Variants in CTNND2 observed in about 807,000 individuals in gnomAD.
CTNND2 encodes the protein catenin delta 2, also known as catenin delta-2.
Under a neutral mutation model 144.4 loss-of-function variants are expected in CTNND2, and 22 were observed. That is an observed-to-expected ratio of 0.15 (90% CI 0.11 to 0.22). CTNND2 has a LOEUF of 0.22. Among genes scored for constraint, CTNND2 ranks in the 10% least tolerant of loss-of-function variants. CTNND2 has a pLI of 1.00. For synonymous variants in CTNND2, 751 were observed against 695.6 expected (o/e 1.08, Z -1.25); for missense variants, 1,353 against 1,618.8 (o/e 0.84, Z 2.82).
intron 16 of CTNND2, among the ~76,000 whole-genome samples, chr5:11,034,762 C>A (rs1043115535): frequency 6.9e-6 from 1 of 144,670 alleles, no homozygotes; most frequent in African/African-American, 2.5e-5. Context: ...TAGTTTTCTT[C>A]TTTTTTTTTT....
chr5:11,368,002 C>A (rs1021092952), intron 7 of CTNND2, among the ~76,000 whole-genome samples: 1 of 152,190 alleles, frequency 6.6e-6, no homozygotes. Context: ...CTTCTCTTCA[C>A]AGGGCAAAAC....
chr5:11,253,915 C>T (rs1743932196), intron 9 of CTNND2, among the ~76,000 whole-genome samples: 1 of 152,172 alleles, frequency 6.6e-6, no homozygotes, highest in Non-Finnish European at 1.5e-5. Flanking sequence ...AAACACCTAT[C>T]TTTCTGTACA....
chr5:11,353,026 G>T (rs1432193931), intron 8 of CTNND2, among the ~76,000 whole-genome samples: 1 of 150,762 alleles, frequency 6.6e-6, no homozygotes, highest in African/African-American at 2.4e-5. Flanking sequence ...TGTGTAACTG[G>T]AGTCACGATG....
chr5:11,870,180 T>C (rs1228716759), intron 1 of CTNND2, among the ~76,000 whole-genome samples: 4 of 152,124 alleles, frequency 2.6e-5, no homozygotes, highest in Non-Finnish European at 4.4e-5. Context: ...CATCAGTGGT[T>C]CTCATTCATA....
intron 6 of CTNND2, among the ~76,000 whole-genome samples, chr5:11,387,679 C>A (rs1351252798): frequency 6.6e-6 from 1 of 152,144 alleles, no homozygotes; most frequent in Non-Finnish European, 1.5e-5. Context: ...TTCAGGAGCA[C>A]TCTCTGCTCC....
At chr5:11,889,448 C>T (rs1159125580) in intron 1 of CTNND2, among the ~76,000 whole-genome samples, 1 of 152,170 alleles carries the variant, frequency 6.6e-6, no homozygotes, top group African/African-American at 2.4e-5. Context: ...TGGGTAGCCA[C>T]AATTAAACAC....
At chr5:11,262,785 A>AAAAAAAAAAAAAAAG (rs1745034742) in intron 9 of CTNND2, among the ~76,000 whole-genome samples, 1 of 147,966 alleles carries the variant, frequency 6.8e-6, no homozygotes, top group Non-Finnish European at 1.5e-5. Context: ...AAAAAAAAAA[A>AAAAAAAAAAAAAAAG]AAAGAAAGAA....
rs911265613 is a variant in CTNND2 at position 11,023,094 on chromosome 5, G to A, written c.2789-115C>T. 5 of 859,820 alleles carry A rather than the reference G, an allele frequency of 5.8e-6. No homozygotes were observed. In the Admixed American group the frequency reaches 8.2e-5, roughly 14 times the overall value. 53.3% of individuals were successfully genotyped at this position (859,820 alleles called of 1,614,324 possible). On this transcript the variant is annotated intron_variant, in intron 16 of 21. Coordinates refer to ENST00000304623, the MANE Select transcript of CTNND2 (RefSeq NM_001332.4). ...CGAGAGGCCACGTTTATGCAAAATT[G>A]TTTGTTTCCCATCACTGAATGTTCC...
intron 3 of CTNND2, among the ~76,000 whole-genome samples, chr5:11,417,567 A>G (rs1762026230): frequency 6.6e-6 from 1 of 152,260 alleles, no homozygotes; most frequent in South Asian, 2.1e-4. Context: ...GAACACATTA[A>G]AAGTATTTGA....
chr5:11,381,029 A>G (rs920981752), intron 7 of CTNND2, among the ~76,000 whole-genome samples: 1 of 152,122 alleles, frequency 6.6e-6, no homozygotes, highest in East Asian at 1.9e-4. Flanking sequence ...TGGTGACTCT[A>G]TTCTTCTGGT....
At chr5:11,900,437 G>C (rs1737766840) in intron 1 of CTNND2, among the ~76,000 whole-genome samples, 1 of 152,202 alleles carries the variant, frequency 6.6e-6, no homozygotes, top group Non-Finnish European at 1.5e-5. Flanking sequence ...TGGAGGTACT[G>C]TTTGTGACTA....
chr5:11,832,619 T>C (rs549294458), intron 1 of CTNND2, among the ~76,000 whole-genome samples: 2 of 152,216 alleles, frequency 1.3e-5, no homozygotes, highest in Admixed American at 1.3e-4. Context: ...GAAATGCTAC[T>C]ACCCACCTAC....
chr5:11,422,441 T>C (rs571632001), intron 3 of CTNND2, among the ~76,000 whole-genome samples: 1 of 152,286 alleles, frequency 6.6e-6, no homozygotes, highest in African/African-American at 2.4e-5. Context: ...TAATTTTAGT[T>C]TGAGGCAGGG....
intron 2 of CTNND2, among the ~76,000 whole-genome samples, chr5:11,632,105 AATGAAATGACAG>A (rs1465561061): frequency 1.3e-5 from 2 of 152,184 alleles, no homozygotes; most frequent in African/African-American, 4.8e-5. Context: ...GATAGCAATA[AATGAAATGACAG>A]ATGATTTAGA....
At chr5:11,757,780 G>C (rs540264855) in intron 1 of CTNND2, among the ~76,000 whole-genome samples, 19 of 152,040 alleles carry the variant, frequency 1.2e-4, no homozygotes, top group Admixed American at 9.2e-4. Context: ...ACTTGTCAAA[G>C]TAGTGTTGTT....
intron 1 of CTNND2, among the ~76,000 whole-genome samples, chr5:11,808,573 C>T (rs1470656781): frequency 6.6e-6 from 1 of 152,210 alleles, no homozygotes; most frequent in Non-Finnish European, 1.5e-5. Context: ...ATTTCTGTTA[C>T]AACTACATGG....
intron 3 of CTNND2, among the ~76,000 whole-genome samples, chr5:11,458,936 CT>C (rs111810611): frequency 0.06 from 8,551 of 141,576 alleles, 693 homozygotes; most frequent in African/African-American, 0.19. Context: ...TGTTTCTTTT[CT>C]TTTTTTTTTT....
intron 16 of CTNND2, among the ~76,000 whole-genome samples, chr5:11,028,164 A>C (rs113238978): frequency 6.6e-6 from 1 of 151,374 alleles, no homozygotes; most frequent in East Asian, 2.0e-4. Flanking sequence ...GTGCACCATT[A>C]TAAACTTAAA....
chr5:11,671,798 C>A (rs1783886208), intron 2 of CTNND2, among the ~76,000 whole-genome samples: 1 of 152,048 alleles, frequency 6.6e-6, no homozygotes, highest in Admixed American at 6.6e-5. Context: ...CAAACTCATT[C>A]TCCATCCAGT....
Sources: allele counts gnomAD v4.1 joint callset (sites outside exome capture counted in the v4.1 genomes callset), GRCh38; gene constraint gnomAD v4.1.1; transcripts MANE v1.5; gene names NCBI Gene and HGNC (gene_info 2026-07-23, HGNC 2026-07-21).